EVL: variants seen among roughly 807,000 people sequenced by gnomAD.
The protein encoded by EVL is Enah/Vasp-like.
Under a neutral mutation model 59.6 loss-of-function variants are expected in EVL, and 21 were observed. The observed-to-expected ratio is 0.35, with a 90% CI of 0.25 to 0.51. The LOEUF is 0.51. Among genes scored for constraint, EVL ranks in the 20% least tolerant of loss-of-function variants. EVL has a pLI of 0.97. For synonymous variants in EVL, 198 were observed against 203.5 expected, an observed-to-expected ratio of 0.97 and a Z score of 0.23; for missense variants, 462 against 546.6, an observed-to-expected ratio of 0.85 and a Z score of 1.54.
intron 1 of EVL, among the ~76,000 whole-genome samples, chr14:100,008,180 C>T (rs543793817): frequency 6.6e-6 from 1 of 152,172 alleles, no homozygotes; most frequent in Non-Finnish European, 1.5e-5. Flanking sequence ...CTGGTTCTCT[C>T]CTCCAGCCTC....
In EVL at chr14:100,058,446, C is replaced by G. The variant is rs867749975; in HGVS notation, c.6-26241C>G. ...TCACCACTTACACTGTACCTACTAC[C>G]TAAGCAGTATACCAGGTGCTGAGCG... is the stretch of plus-strand genomic sequence containing the variant. On this transcript the variant is annotated intron_variant, in intron 1 of 13. Coordinates refer to the EVL transcript ENST00000402714. Among the ~76,000 whole-genome samples the G allele has an allele frequency of 2.6e-5, 4 of 152,184 alleles. No individual in the cohort carries two copies. In the South Asian group the frequency reaches 8.3e-4, roughly 31 times the overall value.
chr14:100,131,024 G>C (rs1160166157), intron 7 of EVL, among the ~76,000 whole-genome samples: 1 of 152,196 alleles, frequency 6.6e-6, no homozygotes, highest in African/African-American at 2.4e-5. Flanking sequence ...AGGGACAGTG[G>C]GCAGAGTTAA....
chr14:100,123,213 G>A (rs1887809958), intron 3 of EVL, among the ~76,000 whole-genome samples: 1 of 152,212 alleles, frequency 6.6e-6, no homozygotes. Flanking sequence ...AGGGGGTGGT[G>A]GCCAGCAAGA....
At chr14:100,141,335 T>TG in intron 12 of EVL, 89 bp downstream of exon 12, 1 of 1,450,830 alleles carries the variant, frequency 6.9e-7, no homozygotes, top group African/African-American at 1.4e-5. Context: ...AGGCAGGCCC[T>TG]GGGGGCCCAC....
chr14:100,079,877 G>A (rs1056877293), intron 1 of EVL, among the ~76,000 whole-genome samples: 6 of 152,120 alleles, frequency 3.9e-5, no homozygotes, highest in African/African-American at 1.4e-4. Flanking sequence ...TCATCACGGA[G>A]GGCCGTGCTG....
At chr14:100,072,895 C>T (rs1412998238) in intron 1 of EVL, among the ~76,000 whole-genome samples, 2 of 152,228 alleles carry the variant, frequency 1.3e-5, no homozygotes, top group Non-Finnish European at 2.9e-5. Flanking sequence ...TACTGCACGG[C>T]GGAGCGTCAG....
intron 1 of EVL, among the ~76,000 whole-genome samples, chr14:99,986,707 T>G (rs1279596691): frequency 6.6e-6 from 1 of 152,234 alleles, no homozygotes; most frequent in Non-Finnish European, 1.5e-5. Flanking sequence ...TCCAAGGAGA[T>G]AGAGCATAAG....
intron 1 of EVL, among the ~76,000 whole-genome samples, chr14:99,989,221 G>A (rs1454841866): frequency 6.6e-6 from 1 of 152,118 alleles, no homozygotes; most frequent in Non-Finnish European, 1.5e-5. Flanking sequence ...CTGGAGGTGT[G>A]ATGGAGTGTC....
chr14:99,983,278 A>T lies in EVL; in HGVS notation c.5+11221A>T, dbSNP rs1205263647. Among the ~76,000 whole-genome samples the T allele has an allele frequency of 2.0e-5, 3 of 152,200 alleles. No individual in the cohort carries two copies. The East Asian group carries it at 5.8e-4, about 29-fold the overall frequency. On this transcript the variant is annotated intron_variant, in intron 1 of 13. Transcript: ENST00000402714. ...AGACAAAAGAAAGATAAAACAGGAGACATAATATTTGGACGTAGAGGCGAT... is the reference window on the plus strand; with the variant it reads ...AGACAAAAGAAAGATAAAACAGGAGTCATAATATTTGGACGTAGAGGCGAT...
Position 100,050,925 on chromosome 14 carries a change from A to C in EVL, c.6-33762A>C, listed in dbSNP as rs376884142. On this transcript the variant is annotated intron_variant, in intron 1 of 13. Coordinates refer to the EVL transcript ENST00000402714. ...GCCCAGCTAATTAAAAAAAAAAAAA[A>C]ATTAAGAGATGGGGGTCTTACTGTG... is the stretch of plus-strand genomic sequence containing the variant. 1.4e-3 allele frequency among the ~76,000 whole-genome samples: 206 copies of C among 151,320 alleles called. 7 individuals carry two copies. The East Asian group carries it at 0.032, about 23-fold the overall frequency.
At chr14:100,021,702 C>A (rs1359352085) in intron 1 of EVL, among the ~76,000 whole-genome samples, 1 of 152,228 alleles carries the variant, frequency 6.6e-6, no homozygotes, top group Non-Finnish European at 1.5e-5. Context: ...ATCTGTATTT[C>A]TAACAACTTC....
chr14:100,088,485 C>T (rs1046256004), intron 2 of EVL, among the ~76,000 whole-genome samples: 2 of 152,172 alleles, frequency 1.3e-5, no homozygotes, highest in East Asian at 1.9e-4. Flanking sequence ...CTACTACACA[C>T]CTAGGCTGTA....
chr14:100,039,846 C>T (rs1463344391), intron 1 of EVL, among the ~76,000 whole-genome samples: 4 of 152,120 alleles, frequency 2.6e-5, no homozygotes, highest in Non-Finnish European at 4.4e-5. Flanking sequence ...AATGCAGTGA[C>T]GCGATCATGG....
upstream of EVL, among the ~76,000 whole-genome samples, chr14:100,062,683 C>T (rs113839194): frequency 0.039 from 5,983 of 152,222 alleles, 129 homozygotes; most frequent in African/African-American, 0.044. Context: ...CTCAGTCATA[C>T]ACTACCTATA....
intron 2 of EVL, among the ~76,000 whole-genome samples, chr14:100,088,546 A>G (rs530990650): frequency 6.6e-6 from 1 of 152,316 alleles, no homozygotes; most frequent in African/African-American, 2.4e-5. Context: ...ATGTTACTGT[A>G]CCGAATACTG....
chr14:100,022,918 C>T (rs1237263830), intron 1 of EVL, among the ~76,000 whole-genome samples: 1 of 152,176 alleles, frequency 6.6e-6, no homozygotes, highest in Non-Finnish European at 1.5e-5. Flanking sequence ...GTGGTGTCCT[C>T]AGCACACCCC....
At chr14:99,981,489 T>C (rs1004310291) in intron 1 of EVL, among the ~76,000 whole-genome samples, 1 of 152,206 alleles carries the variant, frequency 6.6e-6, no homozygotes, top group Admixed American at 6.5e-5. Context: ...TGAATATAAA[T>C]TAAATCATAT....
intron 11 of EVL, 29 bp downstream of exon 11, chr14:100,137,831 C>T: frequency 6.2e-7 from 1 of 1,609,918 alleles, no homozygotes; most frequent in South Asian, 1.1e-5. Context: ...GCTCACATGT[C>T]CCCCAGGGTT....
intron 3 of EVL, among the ~76,000 whole-genome samples, chr14:100,120,313 G>A (rs954517112): frequency 3.3e-5 from 5 of 152,200 alleles, no homozygotes; most frequent in African/African-American, 1.2e-4. Flanking sequence ...TCCTGACTTA[G>A]TTCAGTGGAA....
Sources: allele counts gnomAD v4.1 joint callset (sites outside exome capture counted in the v4.1 genomes callset), GRCh38; gene constraint gnomAD v4.1.1; transcripts MANE v1.5; gene names NCBI Gene and HGNC (gene_info 2026-07-23, HGNC 2026-07-21).